The following XKR4 variants were observed in gnomAD, a reference collection of about 807,000 sequenced individuals.
The protein encoded by XKR4 is XK-related protein 4.
XKR4 carries 12 observed loss-of-function variants against 53.9 expected under a neutral mutation model. That is an observed-to-expected ratio of 0.22 (90% CI 0.14 to 0.36). XKR4 has a LOEUF of 0.36. Among genes scored for constraint, XKR4 ranks in the 10% least tolerant of loss-of-function variants. The pLI is 1.00. For synonymous variants in XKR4, 354 were observed against 362.4 expected (o/e 0.98, Z 0.26); for missense variants, 799 against 859.5 (o/e 0.93, Z 0.88).
chr8:55,315,139 C>T (rs1465828802), intron 1 of XKR4, among the ~76,000 whole-genome samples: 2 of 152,160 alleles, frequency 1.3e-5, no homozygotes, highest in East Asian at 3.9e-4. Context: ...TGGAATGGGA[C>T]AGGGAGACCT....
intron 2 of XKR4, among the ~76,000 whole-genome samples, chr8:55,369,221 G>C (rs1229699098): frequency 6.6e-6 from 1 of 151,764 alleles, no homozygotes; most frequent in East Asian, 1.9e-4. Context: ...AAATTAGCCA[G>C]GTGTGGTGGT....
chr8:55,199,945 G>T (rs950627346), intron 1 of XKR4, among the ~76,000 whole-genome samples: 1 of 152,190 alleles, frequency 6.6e-6, no homozygotes, highest in Non-Finnish European at 1.5e-5. Context: ...CTTGCCTGAG[G>T]TCAGGTAGCT....
At chr8:55,197,261 C>A (rs926304825) in intron 1 of XKR4, among the ~76,000 whole-genome samples, 1 of 152,158 alleles carries the variant, frequency 6.6e-6, no homozygotes, top group Non-Finnish European at 1.5e-5. Flanking sequence ...CTTTGTGATT[C>A]TTTGAATGGG....
intron 1 of XKR4, chr8:55,161,383 C>A: frequency 2.7e-6 from 1 of 365,342 alleles, no homozygotes; most frequent in South Asian, 2.1e-5. Flanking sequence ...TTGGTTGGTC[C>A]CCTCCTTACA....
chr8:55,366,230 A>G (rs570146854), intron 2 of XKR4, among the ~76,000 whole-genome samples: 29 of 152,378 alleles, frequency 1.9e-4, no homozygotes, highest in Non-Finnish European at 4.0e-4. Context: ...CAGGGAGTCC[A>G]GAACAGGGTC....
intron 1 of XKR4, among the ~76,000 whole-genome samples, chr8:55,165,230 G>A (rs1817050572): frequency 6.6e-6 from 1 of 152,106 alleles, no homozygotes; most frequent in African/African-American, 2.4e-5. Context: ...ACATGTTAGA[G>A]GTGTGTTAAT....
rs569918462 is a variant in XKR4 at position 55,452,296 on chromosome 8, C to T, written c.1007-70985C>T. On this transcript the variant is annotated intron_variant, in intron 2 of 2. Transcript: ENST00000327381. ...GGGGTCTGGATGCTGATGCATTTCT[C>T]CTTGGTCAGCGCGGCCACCGGGAAG... 3.6e-5 allele frequency: 23 copies of T among 646,464 alleles called. 1 individual carries two copies. The highest frequency in any genetic ancestry group is 3.6e-4 in the South Asian group (22 of 61,930). The allele number at this position is 646,464 out of a possible 1,614,324, so 40.0% of individuals were successfully genotyped here.
intron 2 of XKR4, chr8:55,451,576 G>T (rs1684212512): frequency 8.1e-7 from 1 of 1,237,172 alleles, no homozygotes; most frequent in Non-Finnish European, 1.1e-6. Flanking sequence ...TACTGCCTTG[G>T]ACCGCCGGAT....
intron 1 of XKR4, among the ~76,000 whole-genome samples, chr8:55,129,883 C>T (rs1276187699): frequency 1.3e-5 from 2 of 151,978 alleles, no homozygotes; most frequent in African/African-American, 2.4e-5. Flanking sequence ...GTTAAGAGCA[C>T]GTGTGGAAGA....
At chr8:55,437,516 G>C (rs1211087497) in intron 2 of XKR4, among the ~76,000 whole-genome samples, 1 of 152,124 alleles carries the variant, frequency 6.6e-6, no homozygotes, top group Non-Finnish European at 1.5e-5. Flanking sequence ...CTACCTACAT[G>C]GTCAGTGTTA....
Position 55,102,408 on chromosome 8 carries a change from G to T in XKR4, c.-81G>T, listed in dbSNP as rs1241077064. The T allele has an allele frequency of 7.0e-7, 1 of 1,438,172 alleles. No homozygotes were observed. Among genetic ancestry groups the T allele is most frequent in the East Asian group, 2.9e-5 (1 of 34,288 alleles). 89.1% of individuals were successfully genotyped at this position (1,438,172 alleles called of 1,614,324 possible). Reference sequence around the variant, plus strand: ...CACCGCCTGGGAGGGAAGCCGGGGCGAGGCGAGGAGGTGGCGGGAGGAGGA... The same window carrying T: ...CACCGCCTGGGAGGGAAGCCGGGGCTAGGCGAGGAGGTGGCGGGAGGAGGA... On this transcript the variant is annotated 5_prime_UTR_variant, in exon 1 of 3. Coordinates refer to ENST00000327381, the MANE Select transcript of XKR4 (RefSeq NM_052898.2). The surrounding 1 kb of genome is among the most constrained non-coding windows in gnomAD (Gnocchi z 5.1).
chr8:55,336,479 G>A (rs1585526942), intron 1 of XKR4, among the ~76,000 whole-genome samples: 1 of 152,140 alleles, frequency 6.6e-6, no homozygotes, highest in East Asian at 1.9e-4. Context: ...CTGTAACTTA[G>A]TTAATAGCAT....
intron 2 of XKR4, among the ~76,000 whole-genome samples, chr8:55,390,364 C>A (rs185010010): frequency 6.4e-4 from 98 of 152,238 alleles, no homozygotes; most frequent in African/African-American, 2.2e-3. Context: ...GAATTACAGT[C>A]TTTGTCCTTT....
At chr8:55,295,339 C>A (rs970923844) in intron 1 of XKR4, among the ~76,000 whole-genome samples, 6 of 152,142 alleles carry the variant, frequency 3.9e-5, no homozygotes, top group African/African-American at 1.2e-4. Context: ...GAGAATATTT[C>A]TTCTAGGAGA....
intron 1 of XKR4, among the ~76,000 whole-genome samples, chr8:55,167,635 T>TATCTG (rs1817088319): frequency 6.6e-6 from 1 of 152,214 alleles, no homozygotes; most frequent in African/African-American, 2.4e-5. Context: ...CCACTGAGAT[T>TATCTG]CAGTAGTTTA....
chr8:55,266,365 CT>C (rs1186438737), intron 1 of XKR4, among the ~76,000 whole-genome samples: 1 of 151,984 alleles, frequency 6.6e-6, no homozygotes, highest in East Asian at 1.9e-4. Context: ...CCAGCTGTCT[CT>C]GTCTTAGTGC....
intron 2 of XKR4, among the ~76,000 whole-genome samples, chr8:55,432,765 C>CAAAA (rs143147238): frequency 6.6e-6 from 1 of 151,892 alleles, no homozygotes; most frequent in Non-Finnish European, 1.5e-5. Flanking sequence ...AACTTTTTCC[C>CAAAA]AAAAAAGTCT....
chr8:55,319,464 A>C (rs1420825947), intron 1 of XKR4, among the ~76,000 whole-genome samples: 1 of 152,228 alleles, frequency 6.6e-6, no homozygotes, highest in Admixed American at 6.5e-5. Flanking sequence ...ATTGCAGTGA[A>C]GTCATTTGCG....
rs542655135 is a variant in XKR4 at position 55,181,240 on chromosome 8, T to C, written c.806+77946T>C. On this transcript the variant is annotated intron_variant, in intron 1 of 2. Coordinates refer to ENST00000327381, the MANE Select transcript of XKR4 (RefSeq NM_052898.2). Reference sequence around the variant, plus strand: ...CTCATCCTTTGTGAGAATTAATTGGTTGGGTCTAATATCATCGTTTCTTTC... The same window carrying C: ...CTCATCCTTTGTGAGAATTAATTGGCTGGGTCTAATATCATCGTTTCTTTC... Among the ~76,000 whole-genome samples the C allele has an allele frequency of 2.0e-5, 3 of 152,302 alleles. No individual in the cohort carries two copies. In the South Asian group the frequency reaches 6.2e-4, roughly 32 times the overall value.
Sources: allele counts gnomAD v4.1 joint callset (sites outside exome capture counted in the v4.1 genomes callset), GRCh38; gene constraint gnomAD v4.1.1; non-coding constraint Gnocchi (gnomAD v3.1); transcripts MANE v1.5; gene names NCBI Gene and HGNC (gene_info 2026-07-23, HGNC 2026-07-21).